Variants in MOB2 observed in about 807,000 individuals in gnomAD.
The protein encoded by MOB2 is MOB2 Mps One Binder homolog.
In MOB2, 14 loss-of-function variants were observed where a neutral mutation model predicts 27.4. The observed-to-expected ratio is 0.51, with a 90% CI of 0.34 to 0.80. MOB2 has a LOEUF of 0.80. Among genes scored for constraint, MOB2 ranks in the 30% least tolerant of loss-of-function variants. The pLI, the probability that MOB2 is intolerant of heterozygous loss-of-function variation, is 0.01. For missense variants in MOB2, 304 were observed against 354.6 expected (o/e 0.86, Z 1.15); for synonymous variants, 167 against 151.8 (o/e 1.10, Z -0.74).
rs116397245 is a variant in MOB2 at position 1,473,771 on chromosome 11, C to T, written c.366-2352G>A. The stretch of plus-strand genomic sequence containing the variant: ...TATATAGTTCTAAGATTTTTATCCA[C>T]ATGTGGACTCACGCATTCATAACCA... On this transcript the variant is annotated intron_variant, in intron 3 of 4. Coordinates refer to ENST00000329957, the MANE Select transcript of MOB2 (RefSeq NM_001172223.3). Among the ~76,000 whole-genome samples, 1,039 of 152,372 alleles carry T rather than the reference C, an allele frequency of 6.8e-3. 14 individuals carry two copies. The highest frequency in any genetic ancestry group is 0.024 in the African/African-American group (1,001 of 41,586).
chr11:1,485,526 A>G (rs1847960371), intron 1 of MOB2, among the ~76,000 whole-genome samples: 1 of 152,216 alleles, frequency 6.6e-6, no homozygotes, highest in African/African-American at 2.4e-5. Context: ...GCCTATGAAG[A>G]GAAAGATGGA....
intron 3 of MOB2, among the ~76,000 whole-genome samples, chr11:1,473,772 A>G (rs1223998683): frequency 6.6e-6 from 1 of 152,250 alleles, no homozygotes; most frequent in African/African-American, 2.4e-5. Context: ...TTTTATCCAC[A>G]TGTGGACTCA....
intron 2 of MOB2, 68 bp downstream of exon 2, chr11:1,480,657 C>T (rs1847901015): frequency 7.0e-6 from 11 of 1,572,492 alleles, no homozygotes; most frequent in Non-Finnish European, 9.5e-6. Context: ...GTGGGGGTCC[C>T]CCTTGAGGAG....
At chr11:1,485,746 C>A (rs973463122) in intron 1 of MOB2, among the ~76,000 whole-genome samples, 3 of 152,178 alleles carry the variant, frequency 2.0e-5, no homozygotes, top group Non-Finnish European at 4.4e-5. Context: ...CTCCCACACA[C>A]ACGGGTGCAC....
intron 3 of MOB2, 176 bp from the exon 4 acceptor site, chr11:1,471,595 C>T: frequency 1.5e-6 from 1 of 682,096 alleles, no homozygotes; most frequent in South Asian, 2.0e-5. Flanking sequence ...TCTGCGGGGA[C>T]CACACTGCAC....
chr11:1,479,627 C>A (rs1391076078), intron 3 of MOB2, among the ~76,000 whole-genome samples: 1 of 152,232 alleles, frequency 6.6e-6, no homozygotes, highest in East Asian at 1.9e-4. Context: ...GTCTGGGGAC[C>A]ACGTCTCCCT....
At chr11:1,478,561 A>C (rs746832197) in intron 3 of MOB2, among the ~76,000 whole-genome samples, 1 of 152,178 alleles carries the variant, frequency 6.6e-6, no homozygotes, top group Non-Finnish European at 1.5e-5. Flanking sequence ...TGTCAGTACC[A>C]GGCCACCGCC....
chr11:1,470,318 T>A lies in MOB2; in HGVS notation c.661A>T (p.Asn221Tyr), dbSNP rs767059987. Residue 221 changes from asparagine to tyrosine, a missense_variant, in exon 5 of 5, where the codon AAC becomes TAC. Transcript: ENST00000329957. ...GCGGTCTCTTTGGGGTCCAGCAGGT[T>A]GAACTCCCGAGCAAAGAGGATGAAG... ...VHFILFAREF[N>Y]LLDPKETAIM... 1.9e-6 allele frequency: 3 copies of A among 1,613,472 alleles called. No individual in the cohort carries two copies. Among genetic ancestry groups the A allele is most frequent in the Admixed American group, 1.7e-5 (1 of 60,034 alleles).
chr11:1,470,069 C>G lies in MOB2; in HGVS notation c.*103G>C, dbSNP rs1338110000. The G allele has an allele frequency of 4.5e-6, 7 of 1,540,276 alleles. No homozygotes were observed. In the East Asian group the frequency reaches 1.5e-4, roughly 32 times the overall value. On this transcript the variant is annotated 3_prime_UTR_variant, in exon 5 of 5. Transcript: ENST00000329957. ...AGTGCAGCCCGGGGCCCTCTCAGAC[C>G]TCACCACACGCGTGCCCAGCACATG...
chr11:1,476,225 T>C (rs1293066336), intron 3 of MOB2, among the ~76,000 whole-genome samples: 2 of 152,252 alleles, frequency 1.3e-5, no homozygotes, highest in Non-Finnish European at 2.9e-5. Flanking sequence ...ACGGAAACTG[T>C]AGATAAGGGG....
chr11:1,475,428 C>T (rs549688135), intron 3 of MOB2, among the ~76,000 whole-genome samples: 3 of 152,262 alleles, frequency 2.0e-5, no homozygotes, highest in South Asian at 2.1e-4. Flanking sequence ...ATATATGCTG[C>T]GCTTTCTCCT....
At chr11:1,475,192 G>A (rs1431416685) in intron 3 of MOB2, among the ~76,000 whole-genome samples, 1 of 152,146 alleles carries the variant, frequency 6.6e-6, no homozygotes, top group African/African-American at 2.4e-5. Flanking sequence ...ATTATAAATG[G>A]CATGTTAAAT....
intron 4 of MOB2, 54 bp downstream of exon 4, chr11:1,471,241 G>A (rs1847785920): frequency 9.6e-6 from 15 of 1,569,372 alleles, no homozygotes; most frequent in Non-Finnish European, 1.2e-5. Flanking sequence ...GACACGTCCT[G>A]AATGCTCCCT....
chr11:1,480,469 G>T lies in MOB2; in HGVS notation c.289C>A (p.His97Asn). ...LASNTTTFFH[H>N]INLQYSTISE... is the part of the protein sequence containing the mutation. ...ATGGTGCTATACTGCAGGTTGATGT[G>T]GTGGAAAAACGTCGTGGCTGGAAGA... Residue 97 changes from histidine (H) to asparagine (N), a missense_variant, in exon 3 of 5, where the codon CAC becomes AAC. His to Asn is a moderately conservative substitution (Grantham distance 68). Coordinates refer to ENST00000329957, the MANE Select transcript of MOB2 (RefSeq NM_001172223.3). The T allele has an allele frequency of 1.2e-6, 2 of 1,613,814 alleles. No individual in the cohort carries two copies. Among genetic ancestry groups the T allele is most frequent in the South Asian group, 1.1e-5 (1 of 91,084 alleles).
At position 1,471,335 on chromosome 11, in the gene MOB2, C is replaced by A. The variant is rs1847787651; in HGVS notation, c.450G>T (p.Gln150His). The A allele has an allele frequency of 6.2e-7, 1 of 1,613,452 alleles. No individual in the cohort carries two copies. Among genetic ancestry groups the A allele is most frequent in the African/African-American group, 1.3e-5 (1 of 74,940 alleles). ...ACACGTCCTCATCCGTCACCAGCTT[C>A]TGCACGGAGCTCATGACGAAGTCAA... ...QYVDFVMSSV[Q>H]KLVTDEDVFP... The change falls in exon 4 of 5, where the codon CAG (glutamine) becomes CAT (histidine). Residue 150 changes from glutamine to histidine, a missense_variant. Coordinates refer to ENST00000329957, the MANE Select transcript of MOB2 (RefSeq NM_001172223.3).
At chr11:1,480,546 C>G in intron 2 of MOB2, 60 bp from the exon 3 acceptor site, 1 of 1,577,838 alleles carries the variant, frequency 6.3e-7, no homozygotes, top group African/African-American at 1.3e-5. Context: ...GCCCCGTCCA[C>G]CCCTGCTTCC....
intron 3 of MOB2, among the ~76,000 whole-genome samples, chr11:1,478,195 A>C (rs1328747260): frequency 6.6e-6 from 1 of 151,780 alleles, no homozygotes; most frequent in Non-Finnish European, 1.5e-5. Context: ...CACCGCCACC[A>C]CAGGCCCCAC....
intron 3 of MOB2, chr11:1,472,901 G>A (rs2133358848): frequency 6.3e-6 from 1 of 157,678 alleles, no homozygotes; most frequent in South Asian, 1.7e-4. Flanking sequence ...AGCGTCTCTG[G>A]GCACCCCTCT....
intron 3 of MOB2, among the ~76,000 whole-genome samples, chr11:1,475,334 G>T (rs1253264090): frequency 6.6e-6 from 1 of 151,692 alleles, no homozygotes; most frequent in Non-Finnish European, 1.5e-5. Context: ...GTGTGCACAG[G>T]GATACAGCAA....
Sources: allele counts gnomAD v4.1 joint callset (sites outside exome capture counted in the v4.1 genomes callset), GRCh38; gene constraint gnomAD v4.1.1; transcripts MANE v1.5; gene names NCBI Gene and HGNC (gene_info 2026-07-23, HGNC 2026-07-21).